Variants in GALNT6 observed in about 807,000 individuals in gnomAD.
The protein encoded by GALNT6 is GalNAc transferase 6.
Under a neutral mutation model 65.9 loss-of-function variants are expected in GALNT6, and 51 were observed. The observed-to-expected ratio is 0.77, with a 90% confidence interval of 0.62 to 0.98. The LOEUF (loss-of-function observed/expected upper bound fraction) is 0.98. Ranked by LOEUF, GALNT6 falls within the 50% of genes least tolerant of loss-of-function variation. GALNT6 has a pLI of 0.00. For synonymous variants in GALNT6, 323 were observed against 315.1 expected (o/e 1.02, Z -0.26); for missense variants, 708 against 803.3 (o/e 0.88, Z 1.43).
chr12:51,365,871 G>A (rs1011278282), intron 4 of GALNT6, among the ~76,000 whole-genome samples: 1 of 152,158 alleles, frequency 6.6e-6, no homozygotes, highest in African/African-American at 2.4e-5. Flanking sequence ...TAATGTCAGG[G>A]ACAGCACCTC....
intron 2 of GALNT6, among the ~76,000 whole-genome samples, chr12:51,384,691 CAAA>C (rs747557675): frequency 4.7e-4 from 42 of 89,348 alleles, no homozygotes; most frequent in African/African-American, 1.8e-3. Flanking sequence ...GACTCTGTCT[CAAA>C]AAAAAAAAAA....
intron 2 of GALNT6, among the ~76,000 whole-genome samples, chr12:51,384,890 A>G (rs1947782784): frequency 6.6e-6 from 1 of 152,194 alleles, no homozygotes; most frequent in Non-Finnish European, 1.5e-5. Context: ...GTCTCAAAAA[A>G]TAAAAATAAA....
intron 2 of GALNT6, among the ~76,000 whole-genome samples, chr12:51,388,366 G>C (rs1947905076): frequency 6.6e-6 from 1 of 152,188 alleles, no homozygotes; most frequent in South Asian, 2.1e-4. Context: ...GAAACACAGA[G>C]GGGCTGGCCG....
chr12:51,367,856 T>C (rs1947160706), intron 4 of GALNT6, among the ~76,000 whole-genome samples: 1 of 152,164 alleles, frequency 6.6e-6, no homozygotes, highest in Non-Finnish European at 1.5e-5. Flanking sequence ...AACAACTCTA[T>C]GAAACAGGGA....
intron 6 of GALNT6, 121 bp from the exon 7 acceptor site, chr12:51,360,959 G>A (rs1254093189): frequency 7.8e-6 from 5 of 638,724 alleles, no homozygotes; most frequent in Non-Finnish European, 1.4e-5. Flanking sequence ...TCTTTCTCAG[G>A]ACGTGCAGCC....
intron 10 of GALNT6, among the ~76,000 whole-genome samples, chr12:51,356,724 G>A (rs183721783): frequency 3.9e-4 from 59 of 152,100 alleles, no homozygotes; most frequent in Non-Finnish European, 6.6e-4. Context: ...AGTAACATCC[G>A]TGAAATCATG....
chr12:51,358,298 C>A, intron 8 of GALNT6, 37 bp from the exon 9 acceptor site: 1 of 1,567,684 alleles, frequency 6.4e-7, no homozygotes, highest in Non-Finnish European at 8.6e-7. Context: ...ATCAGTTCCA[C>A]CAGTTTTTTT....
intron 7 of GALNT6, 42 bp from the exon 8 acceptor site, chr12:51,359,374 G>A: frequency 7.2e-7 from 1 of 1,387,046 alleles, no homozygotes; most frequent in East Asian, 2.3e-5. Context: ...AGTGGGCTAG[G>A]TGAGACAGTC....
At chr12:51,356,474 T>G (rs1195801771) in intron 10 of GALNT6, among the ~76,000 whole-genome samples, 8 of 150,156 alleles carry the variant, frequency 5.3e-5, no homozygotes, top group Non-Finnish European at 1.2e-4. Context: ...ATCCTCCATG[T>G]CAGCTTCCTG....
At position 51,387,247 on chromosome 12, in the gene GALNT6, G is replaced by A. The variant is rs971443709; in HGVS notation, c.-104+3603C>T. Among the ~76,000 whole-genome samples, 6 of 151,982 alleles carry A rather than the reference G, an allele frequency of 3.9e-5. No homozygotes were observed. The highest frequency in any genetic ancestry group is 7.3e-5 in the African/African-American group (3 of 41,374). ...CGGGTAGCTGGGATTACAGGCGCCC[G>A]CCACCACGTCCGGCTAATTTTTGTA... On this transcript the variant is annotated intron_variant, in intron 2 of 11. Transcript: ENST00000356317. This position sits in a 1 kb window ranked among gnomAD's most constrained non-coding sequence, Gnocchi z 4.2.
intron 7 of GALNT6, among the ~76,000 whole-genome samples, chr12:51,360,489 C>T (rs529838540): frequency 4.1e-4 from 63 of 152,238 alleles, no homozygotes; most frequent in African/African-American, 1.5e-3. Context: ...TTATTCCTTG[C>T]CTCTGAGAAG....
At chr12:51,383,994 T>G (rs544122667) in intron 2 of GALNT6, among the ~76,000 whole-genome samples, 37 of 152,228 alleles carry the variant, frequency 2.4e-4, no homozygotes, top group African/African-American at 8.2e-4. Flanking sequence ...GCCCCTGGTG[T>G]CTTGTATATC....
intron 2 of GALNT6, among the ~76,000 whole-genome samples, chr12:51,380,417 T>G (rs1448500685): frequency 6.6e-6 from 1 of 152,166 alleles, no homozygotes; most frequent in Non-Finnish European, 1.5e-5. Context: ...TGACCAAGAA[T>G]GAACCACTTC....
rs150882153 is a variant in GALNT6, at chr12:51,357,550, A to G, written c.1501-100T>C. ...ACTGGAACAAATTCCAGTCAACTGC[A>G]ACAAATTTGCATGGCTGGATTTCCC... On this transcript the variant is annotated intron_variant, in intron 9 of 11. Coordinates refer to ENST00000356317, the MANE Select transcript of GALNT6 (RefSeq NM_007210.4). The G allele has an allele frequency of 2.0e-5, 15 of 748,280 alleles. No individual in the cohort carries two copies. The African/African-American group carries it at 2.6e-4, about 13-fold the overall frequency. The allele number at this position is 748,280 out of a possible 1,614,324, so 46.4% of individuals were successfully genotyped here. A position where few individuals can be genotyped will look rare whatever the true frequency, so the allele number is the denominator to read the frequency against.
intron 4 of GALNT6, 22 bp from the exon 5 acceptor site, chr12:51,365,601 T>G (rs192977318): frequency 7.5e-5 from 121 of 1,610,232 alleles, no homozygotes; most frequent in Non-Finnish European, 9.9e-5. Flanking sequence ...AGTGTCATTG[T>G]GGCCAGTCCA....
intron 4 of GALNT6, among the ~76,000 whole-genome samples, chr12:51,366,480 G>A (rs73309790): frequency 0.015 from 2,270 of 152,284 alleles, 69 homozygotes; most frequent in East Asian, 0.13. Flanking sequence ...ATTCTTTAAG[G>A]TGAAAACATG....
At chr12:51,364,753 G>A (rs548588311) in intron 5 of GALNT6, among the ~76,000 whole-genome samples, 5 of 152,332 alleles carry the variant, frequency 3.3e-5, no homozygotes, top group East Asian at 1.9e-4. Context: ...AGCCCTAATT[G>A]TAGAAGAATA....
intron 5 of GALNT6, 86 bp downstream of exon 5, chr12:51,365,343 AG>A (rs1947062858): frequency 2.3e-6 from 3 of 1,285,170 alleles, no homozygotes; most frequent in Non-Finnish European, 3.2e-6. Flanking sequence ...GAGAACAGGA[AG>A]GGGCCTTGGG....
rs56716510 is a variant in GALNT6 at position 51,353,364 on chromosome 12, CT to C, written c.*1014del. ...CCTCTGATCTGTCTGTTAGAATATA[CT>C]TTTTTTTTTTTTTTTTTTCCTGAGA... On this transcript the variant is annotated 3_prime_UTR_variant, in exon 12 of 12. Coordinates refer to ENST00000356317, the MANE Select transcript of GALNT6 (RefSeq NM_007210.4). The C allele has an allele frequency of 0.04, 5,596 of 139,410 alleles. 132 individuals carry two copies. Among genetic ancestry groups the C allele is most frequent in the Non-Finnish European group, 0.055 (3,567 of 64,704 alleles). The allele number at this position is 139,410 out of a possible 1,614,324, so 8.6% of individuals were successfully genotyped here.
Sources: gnomAD v4.1 joint callset for allele counts (sites outside exome capture counted in the v4.1 genomes callset) on GRCh38, gnomAD v4.1.1 for gene constraint, Gnocchi (gnomAD v3.1) non-coding constraint, MANE v1.5 for transcripts, NCBI Gene and HGNC (gene_info 2026-07-23, HGNC 2026-07-21) for gene names.